Variants in FAM163A observed in about 807,000 individuals in gnomAD.
FAM163A encodes protein FAM163A.
A neutral mutation model predicts 12.0 loss-of-function variants in FAM163A; 7 were observed. The ratio of observed to expected loss-of-function variants is 0.58; its 90% CI spans 0.33 to 1.10. The LOEUF is 1.10. Ranked by LOEUF, FAM163A falls within the 50% of genes least tolerant of loss-of-function variation. FAM163A has a pLI of 0.03. For synonymous variants in FAM163A, 101 were observed against 91.0 expected, an observed-to-expected ratio of 1.11 and a Z score of -0.62; for missense variants, 202 against 218.6, an observed-to-expected ratio of 0.92 and a Z score of 0.48.
At chr1:179,783,084 G>A (rs781078537) in intron 1 of FAM163A, among the ~76,000 whole-genome samples, 3 of 150,830 alleles carry the variant, frequency 2.0e-5, no homozygotes, top group African/African-American at 4.9e-5. Flanking sequence ...AGCCGAGATC[G>A]TGCCATTGCA....
At chr1:179,767,788 G>A (rs1036684687) in intron 1 of FAM163A, among the ~76,000 whole-genome samples, 2 of 152,062 alleles carry the variant, frequency 1.3e-5, no homozygotes, top group Admixed American at 6.6e-5. Flanking sequence ...AGAATTTTAC[G>A]ATGGCCCTCT....
chr1:179,798,924 G>C (rs188475913), intron 1 of FAM163A, among the ~76,000 whole-genome samples: 1 of 151,992 alleles, frequency 6.6e-6, no homozygotes. Flanking sequence ...CAAGCCTCCC[G>C]CTTCCTGCCA....
chr1:179,796,110 T>C (rs1371142237), intron 1 of FAM163A, among the ~76,000 whole-genome samples: 2 of 149,980 alleles, frequency 1.3e-5, no homozygotes, highest in African/African-American at 5.0e-5. Flanking sequence ...ATGTACCCCT[T>C]CTCCAGAGAA....
At chr1:179,732,451 T>C in the FAM163A span, among the ~76,000 whole-genome samples, 1 of 152,214 alleles carries the variant, frequency 6.6e-6, no homozygotes, top group South Asian at 2.1e-4. Flanking sequence ...CAGTTTGCTG[T>C]ACCAATTACT....
intron 1 of FAM163A, among the ~76,000 whole-genome samples, chr1:179,753,767 G>C (rs1028975421): frequency 1.3e-5 from 2 of 152,182 alleles, no homozygotes; most frequent in African/African-American, 4.8e-5. Context: ...TTTAGAGTGC[G>C]TGTGATGAGC....
At chr1:179,787,185 G>A (rs939469360) in intron 1 of FAM163A, among the ~76,000 whole-genome samples, 2 of 152,230 alleles carry the variant, frequency 1.3e-5, no homozygotes, top group African/African-American at 4.8e-5. Flanking sequence ...CAGTTCCTAA[G>A]CAATCTCTTT....
intron 1 of FAM163A, among the ~76,000 whole-genome samples, chr1:179,793,809 A>T (rs1242897873): frequency 6.6e-6 from 1 of 152,258 alleles, no homozygotes; most frequent in Non-Finnish European, 1.5e-5. Flanking sequence ...TCAGTGATGC[A>T]GTGGGCATTT....
At chr1:179,792,892 AT>A (rs1691723244) in intron 1 of FAM163A, among the ~76,000 whole-genome samples, 1 of 151,304 alleles carries the variant, frequency 6.6e-6, no homozygotes, top group African/African-American at 2.4e-5. Context: ...ATATATATAT[AT>A]ATAATAAAAT....
At chr1:179,735,072 G>A in the FAM163A span, among the ~76,000 whole-genome samples, 5 of 152,238 alleles carry the variant, frequency 3.3e-5, no homozygotes, top group East Asian at 5.8e-4. Context: ...GGGTAATTAC[G>A]TTTTTCCTTG....
intron 1 of FAM163A, among the ~76,000 whole-genome samples, chr1:179,772,877 A>G (rs1049844723): frequency 6.6e-6 from 1 of 151,540 alleles, no homozygotes; most frequent in African/African-American, 2.4e-5. Context: ...AACTCCAGCC[A>G]TCATATCCTA....
At chr1:179,767,417 C>G (rs934015837) in intron 1 of FAM163A, among the ~76,000 whole-genome samples, 1 of 152,180 alleles carries the variant, frequency 6.6e-6, no homozygotes, top group Non-Finnish European at 1.5e-5. Flanking sequence ...ACTGCCAGCT[C>G]TCAGCATTGT....
intron 1 of FAM163A, among the ~76,000 whole-genome samples, 162 bp from the exon 2 acceptor site, chr1:179,807,636 C>T (rs1694135897): frequency 6.6e-6 from 1 of 152,166 alleles, no homozygotes; most frequent in Admixed American, 6.5e-5. Context: ...TAGGCTGGGG[C>T]CTCGGAAACC....
chr1:179,757,503 G>A (rs1379491953), intron 1 of FAM163A, among the ~76,000 whole-genome samples: 1 of 152,164 alleles, frequency 6.6e-6, no homozygotes, highest in Non-Finnish European at 1.5e-5. Context: ...ATGTAGACAA[G>A]GTTGTTTGCT....
At chr1:179,806,536 G>A (rs1048558359) in intron 1 of FAM163A, among the ~76,000 whole-genome samples, 9 of 152,228 alleles carry the variant, frequency 5.9e-5, no homozygotes, top group African/African-American at 1.9e-4. Context: ...GCCCCAGTCC[G>A]TGAGGCATCA....
intron 2 of FAM163A, among the ~76,000 whole-genome samples, chr1:179,808,831 G>C (rs1694306998): frequency 6.6e-6 from 1 of 152,340 alleles, no homozygotes; most frequent in African/African-American, 2.4e-5. Flanking sequence ...GTAGGCTGCT[G>C]TTTGGGTGTA....
At chr1:179,807,658 G>T (rs957161643) in intron 1 of FAM163A, 140 bp from the exon 2 acceptor site, 1 of 152,484 alleles carries the variant, frequency 6.6e-6, no homozygotes. Context: ...AGGCAGCTGT[G>T]GAGGTTTACC....
At position 179,814,378 on chromosome 1, in the gene FAM163A, C is replaced by A; in HGVS notation, c.*189C>A. ...TGAGAACCAAGACAGGGCCTGGCTC[C>A]AACTCTGTGGGCCAGAGGTGGGGGA... On this transcript the variant is annotated 3_prime_UTR_variant, in exon 5 of 5. Transcript: ENST00000341785. The A allele has an allele frequency of 1.3e-6, 1 of 762,548 alleles. No homozygotes were observed. The highest frequency in any genetic ancestry group is 2.0e-6 in the Non-Finnish European group (1 of 499,004). The allele number at this position is 762,548 out of a possible 1,614,324, so 47.2% of individuals were successfully genotyped here. A position where few individuals can be genotyped will look rare whatever the true frequency, so the allele number is the denominator to read the frequency against.
Position 179,750,886 on chromosome 1 carries a change from T to C in FAM163A, c.-136+7463T>C, listed in dbSNP as rs143847856. On this transcript the variant is annotated intron_variant, in intron 1 of 4. Coordinates refer to ENST00000341785, the MANE Select transcript of FAM163A (RefSeq NM_173509.3). ...AGTTTGTAGTGGTGGTGGAGAGACA[T>C]AGATGTGAGAAATTCGAGATGGTAA... 4.3e-3 allele frequency among the ~76,000 whole-genome samples: 650 copies of C among 152,176 alleles called. 3 individuals are homozygous for C. Among genetic ancestry groups the C allele is most frequent in the African/African-American group, 0.014 (589 of 41,514 alleles).
At chr1:179,792,324 TGTGG>T (rs1469680115) in intron 1 of FAM163A, among the ~76,000 whole-genome samples, 1 of 144,614 alleles carries the variant, frequency 6.9e-6, no homozygotes, top group Admixed American at 6.9e-5. Flanking sequence ...TGTGTGTGTG[TGTGG>T]AGATTGGGTC....
Sources: allele counts gnomAD v4.1 joint callset (sites outside exome capture counted in the v4.1 genomes callset), GRCh38; gene constraint gnomAD v4.1.1; transcripts MANE v1.5; gene names NCBI Gene and HGNC (gene_info 2026-07-23, HGNC 2026-07-21).